SNX18: variants seen among roughly 807,000 people sequenced by gnomAD.
The protein encoded by SNX18 is sorting nexin 18.
In SNX18, 35 loss-of-function variants were observed where a neutral mutation model predicts 48.7. That is an observed-to-expected ratio of 0.72 (90% confidence interval 0.55 to 0.95). SNX18 has a LOEUF of 0.95. Ranked by LOEUF, SNX18 falls within the 40% of genes least tolerant of loss-of-function variation. The probability of loss-of-function intolerance (pLI) is 0.00; values close to 1 mark genes in which losing one functional copy is unlikely to be tolerated. For synonymous variants in SNX18, 492 were observed against 384.7 expected, an observed-to-expected ratio of 1.28 and a Z score of -3.26; for missense variants, 824 against 871.0, an observed-to-expected ratio of 0.95 and a Z score of 0.68.
chr5:54,521,121 G>A (rs563573935), intron 1 of SNX18: 34 of 152,484 alleles, frequency 2.2e-4, no homozygotes, highest in Admixed American at 1.6e-3. Flanking sequence ...ATTCCATTGT[G>A]TTACATCATT....
the SNX18 span, among the ~76,000 whole-genome samples, chr5:54,601,398 A>G: frequency 2.6e-5 from 4 of 152,188 alleles, no homozygotes; most frequent in Non-Finnish European, 2.9e-5. Flanking sequence ...GGCCCTTTGT[A>G]TCTCTACTCT....
At chr5:54,641,923 T>A in the SNX18 span, among the ~76,000 whole-genome samples, 1 of 152,078 alleles carries the variant, frequency 6.6e-6, no homozygotes, top group African/African-American at 2.4e-5. Context: ...TCAAAACGAT[T>A]GGTGGCTACT....
In SNX18 at chr5:54,519,354, G is replaced by A. The variant is rs1480784257; in HGVS notation, c.1402G>A (p.Gly468Ser). Residue 468 changes from glycine to serine, a missense_variant, in exon 1 of 2, where the codon GGC (glycine) becomes AGC (serine). Physicochemically the swap from Gly to Ser is moderately conservative, Grantham distance 56. Coordinates refer to ENST00000381410, the MANE Select transcript of SNX18 (RefSeq NM_001102575.2). ...TGFKKEYQKV[G>S]QSFRGLSQAF... is the part of the protein sequence containing the mutation. ...CTTCAAAAAGGAGTATCAGAAGGTG[G>A]GCCAGTCCTTCCGCGGCCTCAGCCA... is the stretch of plus-strand genomic sequence containing the variant. 6.2e-7 allele frequency: 1 copy of A among 1,613,292 alleles called. No individual in the cohort carries two copies. The highest frequency in any genetic ancestry group is 8.5e-7 in the Non-Finnish European group (1 of 1,179,478).
chr5:54,561,692 G>T, the SNX18 span, among the ~76,000 whole-genome samples: 1 of 151,996 alleles, frequency 6.6e-6, no homozygotes, highest in Non-Finnish European at 1.5e-5. Context: ...AACATTTGGG[G>T]TGCCATTTTA....
At chr5:54,553,287 C>T in the SNX18 span, among the ~76,000 whole-genome samples, 65 of 152,212 alleles carry the variant, frequency 4.3e-4, no homozygotes, top group Admixed American at 1.4e-3. Context: ...TTGGAGGCTT[C>T]GTGATAAACG....
chr5:54,607,069 A>C, the SNX18 span, among the ~76,000 whole-genome samples: 1 of 152,190 alleles, frequency 6.6e-6, no homozygotes, highest in South Asian at 2.1e-4. Context: ...TGCATACAGT[A>C]TGCATTCTTT....
chr5:54,533,018 A>G (rs1762279840), intron 1 of SNX18, among the ~76,000 whole-genome samples: 1 of 152,202 alleles, frequency 6.6e-6, no homozygotes, highest in African/African-American at 2.4e-5. Flanking sequence ...CAATGCTTTT[A>G]CCTGAAACAG....
the SNX18 span, among the ~76,000 whole-genome samples, chr5:54,596,511 C>A: frequency 9.1e-3 from 1,392 of 152,250 alleles, 20 homozygotes; most frequent in African/African-American, 0.031. Flanking sequence ...GCACTCTTCT[C>A]CAATACATCA....
Position 54,518,061 on chromosome 5 carries a change from G to T in SNX18, c.109G>T (p.Gly37Cys). The change falls in exon 1 of 2, where the codon GGC becomes TGC. Residue 37 changes from glycine to cysteine, a missense_variant. Coordinates refer to ENST00000381410, the MANE Select transcript of SNX18 (RefSeq NM_001102575.2). ...CCTGTGCAGCGAGCAGGACATCGAG[G>T]GCTGGCTCGAGGGGGTCAACAGCCG... is the stretch of plus-strand genomic sequence containing the variant. ...LSLCSEQDIEGWLEGVNSRGD... is the reference protein window; with the variant it reads ...LSLCSEQDIECWLEGVNSRGD... 6.5e-7 allele frequency: 1 copy of T among 1,546,192 alleles called. No individual in the cohort carries two copies. The highest frequency in any genetic ancestry group is 2.7e-5 in the East Asian group (1 of 37,668).
Position 54,544,643 on chromosome 5 carries a change from C to CA in SNX18, c.*1211_*1212insA, listed in dbSNP as rs1027570837. 7.3e-6 allele frequency: 1 copy of CA among 137,216 alleles called. No homozygotes were observed. The highest frequency in any genetic ancestry group is 1.6e-5 in the Non-Finnish European group (1 of 64,148). The allele number at this position is 137,216 out of a possible 1,614,324, so 8.5% of individuals were successfully genotyped here. ...AAAAAAGGTATTGATGAGCCCCCCC[C>CA]CCCCAGGACATTTAACCTTAAAATT... is the stretch of plus-strand genomic sequence containing the variant. On this transcript the variant is annotated 3_prime_UTR_variant, in exon 2 of 2. Coordinates refer to ENST00000381410, the MANE Select transcript of SNX18 (RefSeq NM_001102575.2).
At chr5:54,527,381 C>A (rs1245280391) in intron 1 of SNX18, among the ~76,000 whole-genome samples, 1 of 151,360 alleles carries the variant, frequency 6.6e-6, no homozygotes, top group Non-Finnish European at 1.5e-5. Flanking sequence ...CCCCCTCCAG[C>A]TATATTTTGG....
chr5:54,546,765 G>T (rs571961768), downstream of SNX18, among the ~76,000 whole-genome samples: 1 of 152,306 alleles, frequency 6.6e-6, no homozygotes, highest in African/African-American at 2.4e-5. Context: ...TCATCATTCA[G>T]ATAGTCCCAT....
At chr5:54,550,650 C>T (rs1762635891), downstream of SNX18, among the ~76,000 whole-genome samples, 1 of 152,202 alleles carries the variant, frequency 6.6e-6, no homozygotes. Flanking sequence ...GTGGTGCGAT[C>T]TTAGCTTACT....
At chr5:54,548,469 A>C (rs953937729), downstream of SNX18, among the ~76,000 whole-genome samples, 1 of 152,236 alleles carries the variant, frequency 6.6e-6, no homozygotes, top group Non-Finnish European at 1.5e-5. Flanking sequence ...CTGACCCAGC[A>C]TATCAGTGAG....
Position 54,518,634 on chromosome 5 carries a change from A to G in SNX18, c.682A>G (p.Asn228Asp). The change falls in exon 1 of 2, where the codon AAC becomes GAC. Residue 228 changes from asparagine (N) to aspartate (D), a missense_variant. Physicochemically the swap from Asn to Asp is conservative, Grantham distance 23. Coordinates refer to ENST00000381410, the MANE Select transcript of SNX18 (RefSeq NM_001102575.2). ...CAAGAGCTCGGCCACCGTGAGCCGC[A>G]ACCTCAATCGCTTCTCCACCTTCGT... ...GPKSSATVSRNLNRFSTFVKS... is the reference protein window; with the variant it reads ...GPKSSATVSRDLNRFSTFVKS... 6.4e-7 allele frequency: 1 copy of G among 1,559,142 alleles called. No individual in the cohort carries two copies. Among genetic ancestry groups the G allele is most frequent in the Admixed American group, 2.0e-5 (1 of 51,000 alleles).
the SNX18 span, chr5:54,645,878 T>C: frequency 1.3e-5 from 2 of 152,254 alleles, no homozygotes; most frequent in African/African-American, 4.8e-5. Flanking sequence ...ACAAACATTC[T>C]GAAGTTGGAA....
At chr5:54,590,842 A>T in the SNX18 span, among the ~76,000 whole-genome samples, 1 of 152,100 alleles carries the variant, frequency 6.6e-6, no homozygotes, top group African/African-American at 2.4e-5. Context: ...CCTGAGCTCC[A>T]TGAGGGCAGG....
chr5:54,519,582 T>C lies in SNX18; in HGVS notation c.1621+9T>C, dbSNP rs200821247. 4.3e-6 allele frequency: 7 copies of C among 1,614,220 alleles called. No homozygotes were observed. Among genetic ancestry groups the C allele is most frequent in the African/African-American group, 4.0e-5 (3 of 75,054 alleles). ...CATCCACGTTCAGAAAGGTAAAGCCTGGCCCTTAGAGCAGGTGATATGGAG... is the reference window on the plus strand; with the variant it reads ...CATCCACGTTCAGAAAGGTAAAGCCCGGCCCTTAGAGCAGGTGATATGGAG... On this transcript the variant is annotated intron_variant, in intron 1 of 1. Coordinates refer to ENST00000381410, the MANE Select transcript of SNX18 (RefSeq NM_001102575.2).
the SNX18 span, among the ~76,000 whole-genome samples, chr5:54,576,686 A>G: frequency 4.6e-5 from 7 of 152,228 alleles, no homozygotes; most frequent in African/African-American, 1.7e-4. Context: ...GCATGGCTGA[A>G]TGTTACAAGG....
Sources: allele counts gnomAD v4.1 joint callset (sites outside exome capture counted in the v4.1 genomes callset), GRCh38; gene constraint gnomAD v4.1.1; transcripts MANE v1.5; gene names NCBI Gene and HGNC (gene_info 2026-07-23, HGNC 2026-07-21).